DLG1: variants seen among roughly 807,000 people sequenced by gnomAD.
DLG1 encodes the protein disks large homolog 1.
In DLG1, 42 loss-of-function variants were observed where a neutral mutation model predicts 123.4. The ratio of observed to expected loss-of-function variants is 0.34; its 90% confidence interval spans 0.27 to 0.44. DLG1 has a LOEUF of 0.44. Ranked by LOEUF, DLG1 falls within the 20% of genes least tolerant of loss-of-function variation. DLG1 has a pLI of 1.00. For synonymous variants in DLG1, 317 were observed against 356.2 expected, an observed-to-expected ratio of 0.89 and a Z score of 1.24; for missense variants, 942 against 1,082.6, an observed-to-expected ratio of 0.87 and a Z score of 1.82.
At chr3:197,069,301 T>C (rs938493541) in intron 18 of DLG1, 41 bp from the exon 19 acceptor site, 14 of 1,442,694 alleles carry the variant, frequency 9.7e-6, no homozygotes, top group Non-Finnish European at 1.3e-5. Context: ...AACAGTGTCA[T>C]GAGTTTAAAA....
chr3:197,297,179 C>T lies in DLG1; in HGVS notation c.19+7G>A. The T allele has an allele frequency of 6.2e-7, 1 of 1,614,098 alleles. No individual in the cohort carries two copies. The highest frequency in any genetic ancestry group is 8.5e-7 in the Non-Finnish European group (1 of 1,180,006). Reference sequence around the variant, plus strand: ...ATCGACAACAGAGTTACGGAATAAACTCTCACCTTGCTTCCGGACCGGCAT... The same window carrying T: ...ATCGACAACAGAGTTACGGAATAAATTCTCACCTTGCTTCCGGACCGGCAT... On this transcript the variant is annotated splice_region_variant and intron_variant, in intron 2 of 24. Coordinates refer to ENST00000667157, the MANE Select transcript of DLG1 (RefSeq NM_001366207.1).
In DLG1 at chr3:197,110,448, G is replaced by A. The variant is rs370795617; in HGVS notation, c.1444-5443C>T. Reference sequence around the variant, plus strand: ...GATGGTTTTCTTTTATTCCTTGAACGTATTTAAAATACCTGGTTTAATGTC... The same window carrying A: ...GATGGTTTTCTTTTATTCCTTGAACATATTTAAAATACCTGGTTTAATGTC... On this transcript the variant is annotated intron_variant, in intron 13 of 24. Coordinates refer to ENST00000667157, the MANE Select transcript of DLG1 (RefSeq NM_001366207.1). 7.9e-5 allele frequency among the ~76,000 whole-genome samples: 12 copies of A among 152,142 alleles called. No individual in the cohort carries two copies. In the East Asian group the frequency reaches 9.7e-4, roughly 12 times the overall value.
chr3:197,154,419 T>G (rs1795399098), intron 5 of DLG1, among the ~76,000 whole-genome samples: 1 of 152,152 alleles, frequency 6.6e-6, no homozygotes, highest in Admixed American at 6.6e-5. Context: ...CTCACACCTG[T>G]AATCCCAGCA....
intron 24 of DLG1, among the ~76,000 whole-genome samples, chr3:197,047,351 G>A (rs1724036015): frequency 6.6e-6 from 1 of 151,966 alleles, no homozygotes; most frequent in Non-Finnish European, 1.5e-5. Context: ...TTTGGGTGAA[G>A]GGTACATGAA....
chr3:197,288,979 T>C (rs1341616932), intron 3 of DLG1, among the ~76,000 whole-genome samples: 1 of 152,112 alleles, frequency 6.6e-6, no homozygotes, highest in Non-Finnish European at 1.5e-5. Flanking sequence ...AGATTCTTCC[T>C]TTAGGTAGTC....
intron 15 of DLG1, among the ~76,000 whole-genome samples, chr3:197,086,475 G>T (rs1041453965): frequency 2.6e-5 from 4 of 152,050 alleles, no homozygotes; most frequent in Non-Finnish European, 5.9e-5. Flanking sequence ...GTGTAAGAAA[G>T]GATCACAGCA....
intron 5 of DLG1, among the ~76,000 whole-genome samples, chr3:197,162,247 A>G (rs1004086875): frequency 5.6e-5 from 7 of 124,684 alleles, no homozygotes; most frequent in Non-Finnish European, 1.1e-4. Flanking sequence ...TTCAACTAAC[A>G]TTGATTGTCT....
At chr3:197,216,997 G>T (rs1404922147) in intron 4 of DLG1, among the ~76,000 whole-genome samples, 1 of 152,182 alleles carries the variant, frequency 6.6e-6, no homozygotes, top group Non-Finnish European at 1.5e-5. Flanking sequence ...GTCTTCACAT[G>T]ACAATATTCT....
rs963687322 is a variant in DLG1 at position 197,044,556 on chromosome 3, A to G, written c.*67T>C. 2.8e-6 allele frequency: 3 copies of G among 1,082,078 alleles called. No individual in the cohort carries two copies. The highest frequency in any genetic ancestry group is 4.2e-6 in the Non-Finnish European group (3 of 721,952). 67.0% of individuals were successfully genotyped at this position (1,082,078 alleles called of 1,614,324 possible). A position where few individuals can be genotyped will look rare whatever the true frequency, so the allele number is the denominator to read the frequency against. On this transcript the variant is annotated 3_prime_UTR_variant, in exon 25 of 25. Coordinates refer to ENST00000667157, the MANE Select transcript of DLG1 (RefSeq NM_001366207.1). ...AATCAGTACTCAAGAAAGACTCCAG[A>G]GGAAAGGGCAAAGAGATGCCAAAGA...
chr3:197,222,151 CG>C (rs1737449536), intron 4 of DLG1, among the ~76,000 whole-genome samples: 1 of 152,140 alleles, frequency 6.6e-6, no homozygotes, highest in Non-Finnish European at 1.5e-5. Flanking sequence ...ACCATGGATA[CG>C]AACAGCTGAC....
At chr3:197,141,471 C>A (rs1369160261) in intron 7 of DLG1, among the ~76,000 whole-genome samples, 2 of 152,098 alleles carry the variant, frequency 1.3e-5, no homozygotes, top group Non-Finnish European at 2.9e-5. Context: ...CAGTAGCCAC[C>A]CAACTTGAGC....
intron 4 of DLG1, among the ~76,000 whole-genome samples, chr3:197,255,919 A>AT (rs571847627): frequency 1.2e-3 from 187 of 152,282 alleles, no homozygotes; most frequent in African/African-American, 4.3e-3. Context: ...GCGTACTTAG[A>AT]TTTGTGCAGT....
At chr3:197,128,058 A>C (rs547622590) in intron 11 of DLG1, among the ~76,000 whole-genome samples, 2 of 152,188 alleles carry the variant, frequency 1.3e-5, no homozygotes, top group South Asian at 4.1e-4. Flanking sequence ...ATTTCTTAAA[A>C]TAAGACAAAA....
intron 4 of DLG1, among the ~76,000 whole-genome samples, chr3:197,220,661 A>G (rs11185467): frequency 7.3e-6 from 1 of 136,374 alleles, no homozygotes; most frequent in Non-Finnish European, 1.6e-5. Flanking sequence ...TTTGTACCCC[A>G]CCTATCCAGC....
chr3:197,143,195 T>G (rs1214480079), intron 6 of DLG1, among the ~76,000 whole-genome samples: 1 of 152,230 alleles, frequency 6.6e-6, no homozygotes, highest in Non-Finnish European at 1.5e-5. Flanking sequence ...GCAGTCTGCC[T>G]AATCGCTTAG....
chr3:197,172,931 T>C (rs1804984804), intron 5 of DLG1, among the ~76,000 whole-genome samples: 1 of 152,178 alleles, frequency 6.6e-6, no homozygotes, highest in African/African-American at 2.4e-5. Context: ...AAGTACAACT[T>C]CTTACTGAGG....
At chr3:197,146,301 T>C (rs1561025948) in intron 6 of DLG1, among the ~76,000 whole-genome samples, 1 of 151,980 alleles carries the variant, frequency 6.6e-6, no homozygotes, top group African/African-American at 2.4e-5. Context: ...AGAGAAAACA[T>C]TCCTAAAATT....
At position 197,142,771 on chromosome 3, in the gene DLG1, A is replaced by AC. The variant is rs1561000112; in HGVS notation, c.538-4dup. ...TAATCTGCATCTGTGCCATTAACCT[A>AC]CAGGGGAAAAGAAAAGCAGCTCAGA... On this transcript the variant is annotated splice_polypyrimidine_tract_variant and splice_region_variant and intron_variant, in intron 6 of 24. Coordinates refer to ENST00000667157, the MANE Select transcript of DLG1 (RefSeq NM_001366207.1). 1 of 1,603,498 alleles carries AC rather than the reference A, an allele frequency of 6.2e-7. No homozygotes were observed. The highest frequency in any genetic ancestry group is 8.5e-7 in the Non-Finnish European group (1 of 1,176,940).
chr3:197,076,112 T>G (rs981208193), intron 18 of DLG1, among the ~76,000 whole-genome samples: 1 of 152,204 alleles, frequency 6.6e-6, no homozygotes, highest in African/African-American at 2.4e-5. Context: ...AGCAAAATTT[T>G]AGACCATTTC....
Sources: gnomAD v4.1 joint callset for allele counts (sites outside exome capture counted in the v4.1 genomes callset) on GRCh38, gnomAD v4.1.1 for gene constraint, MANE v1.5 for transcripts, NCBI Gene and HGNC (gene_info 2026-07-23, HGNC 2026-07-21) for gene names.